Variants in ABCA3 observed in about 807,000 individuals in gnomAD.
ABCA3 encodes ATP binding cassette subfamily A member 3, also known as phospholipid-transporting ATPase ABCA3.
A neutral mutation model predicts 172.8 loss-of-function variants in ABCA3; 88 were observed. The observed-to-expected ratio is 0.51, with a 90% CI of 0.43 to 0.61. ABCA3 has a LOEUF of 0.61. Ranked by LOEUF, ABCA3 falls within the 20% of genes least tolerant of loss-of-function variation. The pLI, the probability that ABCA3 is intolerant of heterozygous loss-of-function variation, is 0.00. For missense variants in ABCA3, 2,164 were observed against 2,301.0 expected (o/e 0.94, Z 1.22); for synonymous variants, 1,066 against 983.8 (o/e 1.08, Z -1.56).
intron 8 of ABCA3, among the ~76,000 whole-genome samples, chr16:2,318,928 T>C (rs1418578238): frequency 2.0e-5 from 3 of 152,134 alleles, no homozygotes; most frequent in African/African-American, 7.2e-5. Context: ...CCCTATTTGT[T>C]TGATCTGTGT....
rs758246108 is a variant in ABCA3 at position 2,286,763 on chromosome 16, G to A, written c.3209C>T (p.Ala1070Val). The change falls in exon 22 of 33, where the codon GCC becomes GTC. Residue 1070 changes from alanine to valine, a missense_variant. Ala to Val is a moderately conservative substitution (Grantham distance 64). Around this residue, in one of 3 missense-constraint regions of ABCA3, gnomAD observed 795 missense variants for 881.9 expected, o/e 0.90. Coordinates refer to ENST00000301732, the MANE Select transcript of ABCA3 (RefSeq NM_001089.3). This position sits in a 1 kb window ranked among gnomAD's most constrained non-coding sequence, Gnocchi z 5.2. ...LLFKLLCGPH[A>V]SIVVSNFPQP... The stretch of plus-strand genomic sequence containing the variant: ...GGGGAAGTTGGAGACCACAATGGAG[G>A]CGTGAGGCCCGCACAGCAGCTTGAA... 8 of 1,613,992 alleles carry A rather than the reference G, an allele frequency of 5.0e-6. No individual in the cohort carries two copies. The highest frequency in any genetic ancestry group is 1.7e-5 in the Admixed American group (1 of 60,008).
intron 1 of ABCA3, among the ~76,000 whole-genome samples, chr16:2,339,492 C>T (rs2093757087): frequency 6.6e-6 from 1 of 152,214 alleles, no homozygotes; most frequent in Non-Finnish European, 1.5e-5. Context: ...TCTTACATTT[C>T]TCATGAGGCA....
rs1249257311 is a variant in ABCA3 at position 2,297,239 on chromosome 16, G to A, written c.2263+90C>T. 6.9e-7 allele frequency: 1 copy of A among 1,451,534 alleles called. No homozygotes were observed. Among genetic ancestry groups the A allele is most frequent in the Non-Finnish European group, 9.5e-7 (1 of 1,057,494 alleles). 89.9% of individuals were successfully genotyped at this position (1,451,534 alleles called of 1,614,324 possible). ...AGTCTAGAAAAGGCCACCCCTGCCTGATCTGAGGGCCCTTCATGAAGGTAG... is the reference window on the plus strand; with the variant it reads ...AGTCTAGAAAAGGCCACCCCTGCCTAATCTGAGGGCCCTTCATGAAGGTAG... On this transcript the variant is annotated intron_variant, in intron 17 of 32. Coordinates refer to ENST00000301732, the MANE Select transcript of ABCA3 (RefSeq NM_001089.3). This position sits in a 1 kb window ranked among gnomAD's most constrained non-coding sequence, Gnocchi z 5.6.
chr16:2,288,412 C>G, intron 20 of ABCA3, 83 bp from the exon 21 acceptor site: 1 of 1,450,642 alleles, frequency 6.9e-7, no homozygotes, highest in Non-Finnish European at 9.2e-7. Flanking sequence ...AGGTGCTGTT[C>G]TGTGTGACGC....
At chr16:2,336,194 C>T (rs922179037) in intron 1 of ABCA3, among the ~76,000 whole-genome samples, 5 of 152,120 alleles carry the variant, frequency 3.3e-5, no homozygotes, top group East Asian at 1.9e-4. Flanking sequence ...ATGCTACAAG[C>T]GTACTGTCTA....
intron 7 of ABCA3, among the ~76,000 whole-genome samples, chr16:2,320,493 A>C (rs1272093331): frequency 7.9e-6 from 1 of 126,750 alleles, no homozygotes; most frequent in Non-Finnish European, 1.7e-5. Flanking sequence ...GGGTTCAAGC[A>C]ATTCTCCTGC....
chr16:2,319,597 T>C lies in ABCA3; in HGVS notation c.857A>G (p.Lys286Arg). Reference sequence around the variant, plus strand: ...GGCAGTCACCTTCAGCCTCCTTTCCTTCTCCTGCACGACAGCACGGGCAAT... The same window carrying C: ...GGCAGTCACCTTCAGCCTCCTTTCCCTCTCCTGCACGACAGCACGGGCAAT... ...LTIARAVVQE[K>R]ERRLKEYMRM... Residue 286 changes from lysine to arginine, a missense_variant, in exon 8 of 33, where the codon AAG (lysine) becomes AGG (arginine). Lys to Arg is a conservative substitution (Grantham distance 26, BLOSUM62 2). Around this residue, in one of 3 missense-constraint regions of ABCA3, gnomAD observed 1,343 missense variants for 1,369.6 expected, o/e 0.98. Coordinates refer to ENST00000301732, the MANE Select transcript of ABCA3 (RefSeq NM_001089.3). The C allele has an allele frequency of 6.2e-7, 1 of 1,612,618 alleles. No individual in the cohort carries two copies. The highest frequency in any genetic ancestry group is 8.5e-7 in the Non-Finnish European group (1 of 1,179,996).
Position 2,278,203 on chromosome 16 carries a change from A to T in ABCA3, c.4718+85T>A. The T allele has an allele frequency of 6.3e-7, 1 of 1,598,544 alleles. No individual in the cohort carries two copies. Among genetic ancestry groups the T allele is most frequent in the Non-Finnish European group, 8.5e-7 (1 of 1,176,898 alleles). ...GGCTCACGGGCAGACTCTGCACCAG[A>T]TGCTGATGGGTCTCCTGGCCACCTG... is the stretch of plus-strand genomic sequence containing the variant. On this transcript the variant is annotated intron_variant, in intron 30 of 32. Transcript: ENST00000301732. The surrounding 1 kb of genome is among the most constrained non-coding windows in gnomAD (Gnocchi z 4.4).
rs1393488441 is a variant in ABCA3, at chr16:2,287,984, T to C, written c.3004+42A>G. The C allele has an allele frequency of 1.9e-6, 3 of 1,594,128 alleles. No individual in the cohort carries two copies. The highest frequency in any genetic ancestry group is 2.7e-5 in the African/African-American group (2 of 74,818). On this transcript the variant is annotated intron_variant, in intron 21 of 32. Coordinates refer to ENST00000301732, the MANE Select transcript of ABCA3 (RefSeq NM_001089.3). This position sits in a 1 kb window ranked among gnomAD's most constrained non-coding sequence, Gnocchi z 4.1. ...GGAAGGCGAACTCTGGCTGCAGGAC[T>C]GGCCCCCGATGCCCCCGTCCCGCCC...
rs1047638763 is a variant in ABCA3 at position 2,277,010 on chromosome 16, G to A, written c.4984-205C>T. On this transcript the variant is annotated intron_variant, in intron 32 of 32. Transcript: ENST00000301732. This position sits in a 1 kb window ranked among gnomAD's most constrained non-coding sequence, Gnocchi z 5.3. ...CGCTGGCTAAGCAGGAGCCAGCGGGGATGGGGCCCAGCCTCCTCCCTGTGC... is the reference window on the plus strand; with the variant it reads ...CGCTGGCTAAGCAGGAGCCAGCGGGAATGGGGCCCAGCCTCCTCCCTGTGC... Among the ~76,000 whole-genome samples, 1 of 152,180 alleles carries A rather than the reference G, an allele frequency of 6.6e-6. No homozygotes were observed. The highest frequency in any genetic ancestry group is 2.4e-5 in the African/African-American group (1 of 41,436).
chr16:2,288,182 G>A lies in ABCA3; in HGVS notation c.2848C>T (p.Leu950Phe). Residue 950 changes from leucine (L) to phenylalanine (F), a missense_variant, in exon 21 of 33, where the codon CTC (leucine) becomes TTC (phenylalanine). By Grantham distance (22) the Leu-to-Phe change is conservative. Around this residue, in one of 3 missense-constraint regions of ABCA3, gnomAD observed 1,343 missense variants for 1,369.6 expected, o/e 0.98. Transcript: ENST00000301732. The part of the protein sequence containing the change: ...ALLAINYSSE[L>F]FDDPMLRLTL... ...AGCCTCAGCATGGGGTCGTCGAAGA[G>A]CTCCGAGGAGTAGTTGATGGCCAGG... 3.7e-6 allele frequency: 6 copies of A among 1,605,684 alleles called. No homozygotes were observed. The highest frequency in any genetic ancestry group is 5.1e-6 in the Non-Finnish European group (6 of 1,175,996).
chr16:2,295,307 G>A (rs2093677942), intron 18 of ABCA3, among the ~76,000 whole-genome samples: 1 of 152,244 alleles, frequency 6.6e-6, no homozygotes, highest in African/African-American at 2.4e-5. Context: ...TCAGAAGGGG[G>A]AGTGTGAGCC....
intron 20 of ABCA3, among the ~76,000 whole-genome samples, chr16:2,288,703 C>T (rs1027090202): frequency 6.6e-6 from 1 of 152,214 alleles, no homozygotes; most frequent in Non-Finnish European, 1.5e-5. Context: ...CACCACCACA[C>T]CCAACTAATT....
rs1284108151 is a variant in ABCA3 at position 2,288,166 on chromosome 16, A to G, written c.2864T>C (p.Met955Thr). The change falls in exon 21 of 33, where the codon ATG (methionine) becomes ACG (threonine). Residue 955 changes from methionine to threonine, a missense_variant. This residue lies in a region of ABCA3 where 1,343 missense variants were observed against 1,369.6 expected (regional missense o/e 0.98). Transcript: ENST00000301732. ...GTACTCGCCCAAGGTCAGCCTCAGCATGGGGTCGTCGAAGAGCTCCGAGGA... is the reference window on the plus strand; with the variant it reads ...GTACTCGCCCAAGGTCAGCCTCAGCGTGGGGTCGTCGAAGAGCTCCGAGGA... ...NYSSELFDDP[M>T]LRLTLGEYGR... 2.5e-6 allele frequency: 4 copies of G among 1,609,732 alleles called. No homozygotes were observed. The highest frequency in any genetic ancestry group is 3.4e-6 in the Non-Finnish European group (4 of 1,178,066).
Position 2,310,427 on chromosome 16 carries a change from A to AAACAAAC in ABCA3, c.1112-1805_1112-1804insGTTTGTT, listed in dbSNP as rs1567348520. Among the ~76,000 whole-genome samples, 158 of 150,940 alleles carry AAACAAAC rather than the reference A, an allele frequency of 1.0e-3. 2 individuals carry two copies. The highest frequency in any genetic ancestry group is 3.8e-3 in the African/African-American group (154 of 40,754). On this transcript the variant is annotated intron_variant, in intron 10 of 32. Transcript: ENST00000301732. ...GTCTCAAAACAAACAAACAAACAAA[A>AAACAAAC]AAACAAACAAACAAACAAAACACCC...
rs751006761 is a variant in ABCA3, at chr16:2,297,397, C to T, written c.2195G>A (p.Arg732His). 12 of 1,613,384 alleles carry T rather than the reference C, an allele frequency of 7.4e-6. No individual in the cohort carries two copies. The highest frequency in any genetic ancestry group is 1.7e-4 in the Middle Eastern group (1 of 5,898). Reference protein sequence around the residue: ...FMDEADLLGDRIAIMAKGELQ... With the variant: ...FMDEADLLGDHIAIMAKGELQ... ...CTCCCCCTTGGCCATGATGGCGATG[C>T]GGTCTCCCAGCAGGTCAGCCTCGTC... Residue 732 changes from arginine to histidine, a missense_variant, in exon 17 of 33, where the codon CGC becomes CAC. Coordinates refer to ENST00000301732, the MANE Select transcript of ABCA3 (RefSeq NM_001089.3). The surrounding 1 kb of genome is among the most constrained non-coding windows in gnomAD (Gnocchi z 5.6).
Position 2,317,331 on chromosome 16 carries a change from T to G in ABCA3, c.1063A>C (p.Ile355Leu), listed in dbSNP as rs1184960162. 1 of 1,614,058 alleles carries G rather than the reference T, an allele frequency of 6.2e-7. No individual in the cohort carries two copies. The stretch of plus-strand genomic sequence containing the variant: ...ATGAAGCTGAAGGAGATGGTAGAGA[T>G]GGCGAAGCACAGCAGGAAGGCGAGC... ...LVLAFLLCFAISTISFSFMVS... is the reference protein window; with the variant it reads ...LVLAFLLCFALSTISFSFMVS... The change falls in exon 10 of 33, where the codon ATC becomes CTC. Residue 355 changes from isoleucine (I) to leucine (L), a missense_variant. Transcript: ENST00000301732.
chr16:2,332,478 C>T, intron 1 of ABCA3: 1 of 966,998 alleles, frequency 1.0e-6, no homozygotes, highest in African/African-American at 1.7e-5. Context: ...AATAGGCCAC[C>T]AGGGCTTTGG....
rs765425232 is a variant in ABCA3, at chr16:2,283,916, G to A, written c.3862+363C>T. 4 of 271,986 alleles carry A rather than the reference G, an allele frequency of 1.5e-5. No homozygotes were observed. Among genetic ancestry groups the A allele is most frequent in the Non-Finnish European group, 2.8e-5 (4 of 141,318 alleles). The allele number at this position is 271,986 out of a possible 1,614,324, so 16.8% of individuals were successfully genotyped here. ...GCTGCCATGCGAGGATGGAGGCGGT[G>A]GTGGGGAGTAGGTGCAGCCAGGAGC... On this transcript the variant is annotated intron_variant, in intron 25 of 32. Coordinates refer to ENST00000301732, the MANE Select transcript of ABCA3 (RefSeq NM_001089.3). This position sits in a 1 kb window ranked among gnomAD's most constrained non-coding sequence, Gnocchi z 5.4.
Sources: gnomAD v4.1 joint callset for allele counts (sites outside exome capture counted in the v4.1 genomes callset) on GRCh38, gnomAD v4.1.1 for gene constraint, gnomAD v4.1.1 regional missense constraint, Gnocchi (gnomAD v3.1) non-coding constraint, MANE v1.5 for transcripts, NCBI Gene and HGNC (gene_info 2026-07-23, HGNC 2026-07-21) for gene names.